PARD3B: variants seen among roughly 807,000 people sequenced by gnomAD.
PARD3B encodes the protein partitioning defective 3 homolog B.
Under a neutral mutation model 130.2 loss-of-function variants are expected in PARD3B, and 103 were observed. The ratio of observed to expected loss-of-function variants is 0.79; its 90% CI spans 0.67 to 0.93. The LOEUF is 0.93. Among genes scored for constraint, PARD3B ranks in the 40% least tolerant of loss-of-function variants. The pLI is 0.00. For missense variants in PARD3B, 1,609 were observed against 1,499.2 expected (o/e 1.07, Z -1.21); for synonymous variants, 583 against 553.2 (o/e 1.05, Z -0.76).
At chr2:205,506,028 C>T (rs1296470543) in intron 21 of PARD3B, among the ~76,000 whole-genome samples, 2 of 152,018 alleles carry the variant, frequency 1.3e-5, no homozygotes, top group Non-Finnish European at 2.9e-5. Context: ...ATACCTGTTA[C>T]CACTGTCATT....
intron 18 of PARD3B, among the ~76,000 whole-genome samples, chr2:205,383,202 A>T (rs1483976422): frequency 6.7e-6 from 1 of 149,642 alleles, no homozygotes; most frequent in Non-Finnish European, 1.5e-5. Context: ...TATGCACATT[A>T]AAAAACCATG....
chr2:204,959,826 A>C (rs1690588810), intron 2 of PARD3B, among the ~76,000 whole-genome samples: 1 of 152,208 alleles, frequency 6.6e-6, no homozygotes, highest in African/African-American at 2.4e-5. Context: ...AATTGGGAAC[A>C]CCAGTCAGCC....
rs1183424124 is a variant in PARD3B at position 205,279,080 on chromosome 2, A to AAAC, written c.2186-21448_2186-21447insCAA. Among the ~76,000 whole-genome samples the AAAC allele has an allele frequency of 6.4e-5, 9 of 140,618 alleles. 1 individual carries two copies. Among genetic ancestry groups the AAAC allele is most frequent in the Non-Finnish European group, 1.5e-4 (9 of 61,600 alleles). 92.3% of individuals were successfully genotyped at this position (140,618 alleles called of 152,430 possible). ...AGCAAGAATCTGTCTCAAAAAAAAA[A>AAAC]AAAAAAAAAAAAAAAACAGTTGTTC... is the stretch of plus-strand genomic sequence containing the variant. On this transcript the variant is annotated intron_variant, in intron 16 of 22. Coordinates refer to ENST00000406610, the MANE Select transcript of PARD3B (RefSeq NM_001302769.2).
chr2:204,998,711 A>G (rs975286203), intron 3 of PARD3B, among the ~76,000 whole-genome samples: 9 of 151,964 alleles, frequency 5.9e-5, no homozygotes, highest in South Asian at 2.1e-4. Flanking sequence ...ATCTATTAAT[A>G]TGATATATTG....
In PARD3B at chr2:205,276,926, T is replaced by TG. The variant is rs1015528250; in HGVS notation, c.2186-23600dup. ...ATAATATCCACCTCACAGGTGGAAG[T>TG]GGGGTGAGAGAATTTGTGTGGAACA... On this transcript the variant is annotated intron_variant, in intron 16 of 22. Coordinates refer to ENST00000406610, the MANE Select transcript of PARD3B (RefSeq NM_001302769.2). The surrounding 1 kb of genome is among the most constrained non-coding windows in gnomAD (Gnocchi z 5.0). Among the ~76,000 whole-genome samples the TG allele has an allele frequency of 3.3e-5, 5 of 152,148 alleles. No individual in the cohort carries two copies. Among genetic ancestry groups the TG allele is most frequent in the African/African-American group, 1.2e-4 (5 of 41,420 alleles).
chr2:204,913,413 G>C (rs2047321428), intron 2 of PARD3B, among the ~76,000 whole-genome samples: 1 of 152,168 alleles, frequency 6.6e-6, no homozygotes, highest in Non-Finnish European at 1.5e-5. Context: ...ACGATTGTGA[G>C]ATAATGCGTG....
intron 16 of PARD3B, among the ~76,000 whole-genome samples, chr2:205,299,561 T>TTATATA (rs1289898796): frequency 1.2e-4 from 2 of 17,240 alleles, no homozygotes; most frequent in Non-Finnish European, 1.9e-4. Flanking sequence ...ATATTATATA[T>TTATATA]TATATATATA....
intron 2 of PARD3B, among the ~76,000 whole-genome samples, chr2:204,778,956 C>A (rs1417901394): frequency 6.6e-6 from 1 of 152,124 alleles, no homozygotes; most frequent in Non-Finnish European, 1.5e-5. Context: ...AAGCTTTATA[C>A]TTTGGGCACT....
intron 2 of PARD3B, among the ~76,000 whole-genome samples, chr2:204,911,403 G>A (rs1284874187): frequency 6.6e-6 from 1 of 152,180 alleles, no homozygotes; most frequent in Non-Finnish European, 1.5e-5. Context: ...CTAACAAATT[G>A]TATAGAAAAC....
chr2:205,580,380 C>T (rs902984497), intron 22 of PARD3B, among the ~76,000 whole-genome samples: 2 of 152,072 alleles, frequency 1.3e-5, no homozygotes, highest in African/African-American at 4.8e-5. Flanking sequence ...TATAATAAAA[C>T]GGGCTTCTCC....
In PARD3B at chr2:205,160,578, G is replaced by T. The variant is rs1357717367; in HGVS notation, c.1620+1671G>T. Among the ~76,000 whole-genome samples, 1 of 152,190 alleles carries T rather than the reference G, an allele frequency of 6.6e-6. No individual in the cohort carries two copies. Among genetic ancestry groups the T allele is most frequent in the African/African-American group, 2.4e-5 (1 of 41,442 alleles). On this transcript the variant is annotated intron_variant, in intron 11 of 22. Coordinates refer to ENST00000406610, the MANE Select transcript of PARD3B (RefSeq NM_001302769.2). This position sits in a 1 kb window ranked among gnomAD's most constrained non-coding sequence, Gnocchi z 4.0. The stretch of plus-strand genomic sequence containing the variant: ...ATGGCAAAGATGTAGATACAGAGAA[G>T]GGTAAAGAATTGAGTCCCATCACTC...
At position 205,405,134 on chromosome 2, in the gene PARD3B, A is replaced by G. The variant is rs371109619; in HGVS notation, c.2741+4011A>G. Among the ~76,000 whole-genome samples, 1 of 152,318 alleles carries G rather than the reference A, an allele frequency of 6.6e-6. No individual in the cohort carries two copies. Among genetic ancestry groups the G allele is most frequent in the South Asian group, 2.1e-4 (1 of 4,834 alleles). Reference sequence around the variant, plus strand: ...GTACTGAAAAAGTCCAAAAAGCCATAAAAGATGAGTTGGGTTACTAGATTA... The same window carrying G: ...GTACTGAAAAAGTCCAAAAAGCCATGAAAGATGAGTTGGGTTACTAGATTA... On this transcript the variant is annotated intron_variant, in intron 19 of 22. Transcript: ENST00000406610. This position sits in a 1 kb window ranked among gnomAD's most constrained non-coding sequence, Gnocchi z 4.1.
intron 2 of PARD3B, among the ~76,000 whole-genome samples, chr2:204,953,012 G>GTA (rs1352917133): frequency 4.2e-4 from 62 of 145,906 alleles, no homozygotes; most frequent in South Asian, 1.8e-3. Context: ...AAAAAAAAAG[G>GTA]TATATATATA....
At chr2:205,054,430 ATATATATTTTTTTTTT>A (rs1699482209) in intron 4 of PARD3B, among the ~76,000 whole-genome samples, 2 of 37,696 alleles carry the variant, frequency 5.3e-5, no homozygotes, top group Admixed American at 3.1e-4. Context: ...ATATATATAT[ATATATATTTTTTTTTT>A]TTTTTTTTTT....
At chr2:205,193,408 C>A in intron 15 of PARD3B, 88 bp downstream of exon 15, 1 of 1,007,514 alleles carries the variant, frequency 9.9e-7, no homozygotes, top group Non-Finnish European at 1.5e-6. Context: ...TTCTTCAACT[C>A]AAACCTCAGG....
intron 16 of PARD3B, among the ~76,000 whole-genome samples, chr2:205,296,709 C>A (rs1207433): frequency 0.83 from 125,502 of 150,542 alleles, 52,463 homozygotes; most frequent in South Asian, 0.9. Flanking sequence ...TCATTCTTTT[C>A]ATAACGCTGT....
chr2:205,500,812 CA>C (rs2050131481), intron 21 of PARD3B, among the ~76,000 whole-genome samples: 1 of 152,192 alleles, frequency 6.6e-6, no homozygotes, highest in Non-Finnish European at 1.5e-5. Flanking sequence ...GCATTATTAT[CA>C]GAGCAGAGCT....
At chr2:204,754,631 G>T (rs1199671663) in intron 2 of PARD3B, among the ~76,000 whole-genome samples, 1 of 152,108 alleles carries the variant, frequency 6.6e-6, no homozygotes, top group African/African-American at 2.4e-5. Flanking sequence ...TTTAATGTTT[G>T]CAATATCAGG....
At chr2:205,559,397 C>G (rs568903853) in intron 22 of PARD3B, among the ~76,000 whole-genome samples, 1 of 152,242 alleles carries the variant, frequency 6.6e-6, no homozygotes, top group Non-Finnish European at 1.5e-5. Context: ...CAGCTTGCCT[C>G]AGCCTCCCAA....
Sources: gnomAD v4.1 joint callset for allele counts (sites outside exome capture counted in the v4.1 genomes callset) on GRCh38, gnomAD v4.1.1 for gene constraint, Gnocchi (gnomAD v3.1) non-coding constraint, MANE v1.5 for transcripts, NCBI Gene and HGNC (gene_info 2026-07-23, HGNC 2026-07-21) for gene names.